The following GSKIP variants were observed in gnomAD, a reference collection of about 807,000 sequenced individuals.
The protein encoded by GSKIP is GSK3B interacting protein.
A neutral mutation model predicts 11.9 loss-of-function variants in GSKIP; 5 were observed. The ratio of observed to expected loss-of-function variants is 0.42; its 90% CI spans 0.22 to 0.89. GSKIP has a LOEUF of 0.89. Among genes scored for constraint, GSKIP ranks in the 40% least tolerant of loss-of-function variants. The pLI, the probability that GSKIP is intolerant of heterozygous loss-of-function variation, is 0.29. For missense variants in GSKIP, 150 were observed against 166.6 expected, an observed-to-expected ratio of 0.90 and a Z score of 0.55; for synonymous variants, 70 against 62.9, an observed-to-expected ratio of 1.11 and a Z score of -0.54.
intron 3 of GSKIP, among the ~76,000 whole-genome samples, 159 bp downstream of exon 3, chr14:96,382,664 A>G (rs1595352413): frequency 6.6e-6 from 1 of 152,218 alleles, no homozygotes; most frequent in Non-Finnish European, 1.5e-5. Flanking sequence ...AATTTTTATT[A>G]ATTTTAAAGG....
chr14:96,385,303 A>G (rs945880419), intron 3 of GSKIP, among the ~76,000 whole-genome samples: 1 of 152,220 alleles, frequency 6.6e-6, no homozygotes, highest in Admixed American at 6.5e-5. Flanking sequence ...TCTGTGTTAT[A>G]CATTATAAGT....
chr14:96,368,082 ATT>A (rs199862090), intron 1 of GSKIP, among the ~76,000 whole-genome samples: 11 of 140,532 alleles, frequency 7.8e-5, no homozygotes, highest in Admixed American at 2.1e-4. Flanking sequence ...AATAACTGGA[ATT>A]TTTTTTTTTT....
intron 1 of GSKIP, chr14:96,365,366 T>C (rs1253036712): frequency 6.6e-6 from 1 of 151,204 alleles, no homozygotes; most frequent in African/African-American, 2.4e-5. Flanking sequence ...TTGTTTTCCA[T>C]GCAAGGGGAA....
chr14:96,366,062 A>G (rs555348243), intron 1 of GSKIP, among the ~76,000 whole-genome samples: 1 of 152,170 alleles, frequency 6.6e-6, no homozygotes, highest in South Asian at 2.1e-4. Context: ...GGTGAAAATG[A>G]TTAGTTAGAA....
intron 1 of GSKIP, among the ~76,000 whole-genome samples, chr14:96,374,004 T>C (rs1361719037): frequency 6.6e-6 from 1 of 152,108 alleles, no homozygotes; most frequent in Non-Finnish European, 1.5e-5. Flanking sequence ...TAACCTACAA[T>C]TGAGAAGAAA....
intron 1 of GSKIP, among the ~76,000 whole-genome samples, chr14:96,365,537 A>G (rs553524311): frequency 2.3e-4 from 35 of 151,144 alleles, no homozygotes; most frequent in African/African-American, 7.3e-4. Context: ...GGCCATTGAT[A>G]AGAACTTTGG....
chr14:96,372,700 G>A (rs1889083609), intron 1 of GSKIP, among the ~76,000 whole-genome samples: 1 of 152,194 alleles, frequency 6.6e-6, no homozygotes, highest in South Asian at 2.1e-4. Context: ...GTATTGCCTA[G>A]AGCCAGGCAT....
intron 1 of GSKIP, among the ~76,000 whole-genome samples, chr14:96,367,914 G>C (rs550989121): frequency 1.3e-5 from 2 of 152,276 alleles, no homozygotes; most frequent in South Asian, 4.1e-4. Flanking sequence ...TATTGCTCAG[G>C]ATCTGGTAGA....
chr14:96,377,265 A>C (rs935939120), intron 1 of GSKIP, among the ~76,000 whole-genome samples: 1 of 152,258 alleles, frequency 6.6e-6, no homozygotes, highest in African/African-American at 2.4e-5. Flanking sequence ...CATCACAGAA[A>C]GTTCCATTCA....
At chr14:96,366,248 T>G (rs1293992123) in intron 1 of GSKIP, among the ~76,000 whole-genome samples, 1 of 151,226 alleles carries the variant, frequency 6.6e-6, no homozygotes, top group Non-Finnish European at 1.5e-5. Context: ...TAGATACAAT[T>G]TGGACTTCTT....
rs758231984 is a variant in GSKIP at position 96,382,242 on chromosome 14, T to A, written c.-1-5T>A. 6.6e-7 allele frequency: 1 copy of A among 1,526,258 alleles called. No homozygotes were observed. Among genetic ancestry groups the A allele is most frequent in the Admixed American group, 2.2e-5 (1 of 45,194 alleles). The allele number at this position is 1,526,258 out of a possible 1,614,324, so 94.5% of individuals were successfully genotyped here. On this transcript the variant is annotated splice_polypyrimidine_tract_variant and splice_region_variant and intron_variant, in intron 2 of 3. Coordinates refer to ENST00000555181, the MANE Select transcript of GSKIP (RefSeq NM_016472.5). The stretch of plus-strand genomic sequence containing the variant: ...TTTTATAACTGCTTTTTTTTTTTTT[T>A]ACAGAATGGAAACAGACTGTAATCC...
rs1889512318 is a variant in GSKIP, at chr14:96,387,151, T to G, written c.*1467T>G. ...ACTTCAGGTTGAACTTTCTCATGTT[T>G]AATCTCAGGCTAAATGTAAATGATA... On this transcript the variant is annotated 3_prime_UTR_variant, in exon 4 of 4. Transcript: ENST00000555181. 6.6e-6 allele frequency: 1 copy of G among 152,258 alleles called. No homozygotes were observed. Among genetic ancestry groups the G allele is most frequent in the South Asian group, 2.1e-4 (1 of 4,836 alleles). The allele number at this position is 152,258 out of a possible 1,614,324, so 9.4% of individuals were successfully genotyped here.
intron 2 of GSKIP, among the ~76,000 whole-genome samples, chr14:96,381,773 A>G (rs1047549836): frequency 1.3e-5 from 2 of 152,218 alleles, no homozygotes; most frequent in African/African-American, 2.4e-5. Context: ...ACAGTCCCTC[A>G]TATTCTATTG....
intron 1 of GSKIP, among the ~76,000 whole-genome samples, chr14:96,375,602 T>A (rs972463223): frequency 6.6e-6 from 1 of 151,890 alleles, no homozygotes; most frequent in African/African-American, 2.4e-5. Flanking sequence ...CCTGGCTAAT[T>A]TTTGTATTTA....
chr14:96,383,584 C>T (rs1889407784), intron 3 of GSKIP, among the ~76,000 whole-genome samples: 1 of 152,104 alleles, frequency 6.6e-6, no homozygotes, highest in Admixed American at 6.5e-5. Context: ...GCAAGGCCTG[C>T]CTAAGCAAGT....
intron 1 of GSKIP, among the ~76,000 whole-genome samples, chr14:96,371,139 C>G (rs1467599558): frequency 6.6e-6 from 1 of 152,130 alleles, no homozygotes; most frequent in Non-Finnish European, 1.5e-5. Flanking sequence ...TGAGTTTTAG[C>G]TTTGCCTAAA....
Position 96,386,873 on chromosome 14 carries a change from A to G in GSKIP, c.*1189A>G, listed in dbSNP as rs967092999. ...GAGTTGTTTTTTAATGGTCACCTAA[A>G]GCAGCTGCTATAGAAATGTTGAACT... is the stretch of plus-strand genomic sequence containing the variant. On this transcript the variant is annotated 3_prime_UTR_variant, in exon 4 of 4. Coordinates refer to ENST00000555181, the MANE Select transcript of GSKIP (RefSeq NM_016472.5). 1.3e-5 allele frequency: 2 copies of G among 152,656 alleles called. No homozygotes were observed. The highest frequency in any genetic ancestry group is 4.8e-5 in the African/African-American group (2 of 41,464). 9.5% of individuals were successfully genotyped at this position (152,656 alleles called of 1,614,324 possible).
chr14:96,378,473 C>G (rs193048451), intron 1 of GSKIP, among the ~76,000 whole-genome samples: 24 of 152,306 alleles, frequency 1.6e-4, no homozygotes, highest in African/African-American at 5.8e-4. Flanking sequence ...GAAACAGATT[C>G]CTTCCTGAAG....
At chr14:96,368,336 T>G (rs1310875613) in intron 1 of GSKIP, among the ~76,000 whole-genome samples, 1 of 151,320 alleles carries the variant, frequency 6.6e-6, no homozygotes, top group East Asian at 1.9e-4. Context: ...GTGCCACTAA[T>G]TTTTGTATTT....
Sources: allele counts gnomAD v4.1 joint callset (sites outside exome capture counted in the v4.1 genomes callset), GRCh38; gene constraint gnomAD v4.1.1; transcripts MANE v1.5; gene names NCBI Gene and HGNC (gene_info 2026-07-23, HGNC 2026-07-21).